FHIT: variants seen among roughly 807,000 people sequenced by gnomAD.
FHIT encodes bis(5'-adenosyl)-triphosphatase.
In FHIT, 19 loss-of-function variants were observed where a neutral mutation model predicts 17.9. That is an observed-to-expected ratio of 1.06 (90% CI 0.74 to 1.56). The LOEUF (loss-of-function observed/expected upper bound fraction) is 1.56, where lower values mean the gene tolerates loss of function less well. Among genes scored for constraint, FHIT ranks in the 40% most tolerant of loss-of-function variants. FHIT has a pLI of 0.00. For missense variants in FHIT, 248 were observed against 189.2 expected, an observed-to-expected ratio of 1.31 and a Z score of -1.82; for synonymous variants, 81 against 69.7, an observed-to-expected ratio of 1.16 and a Z score of -0.81.
chr3:60,235,065 A>G lies in FHIT; in HGVS notation c.104-220913T>C, dbSNP rs943036339. Among the ~76,000 whole-genome samples, 3 of 152,074 alleles carry G rather than the reference A, an allele frequency of 2.0e-5. No homozygotes were observed. The South Asian group carries it at 6.2e-4, about 32-fold the overall frequency. ...CTCAACGTTACATGGAATAAGAGAG[A>G]GATTCAAAAATCACATCCAAACTCA... On this transcript the variant is annotated intron_variant, in intron 5 of 9. Coordinates refer to ENST00000492590, the MANE Select transcript of FHIT (RefSeq NM_002012.4).
At chr3:59,799,243 T>G (rs1173456796) in intron 8 of FHIT, among the ~76,000 whole-genome samples, 1 of 152,164 alleles carries the variant, frequency 6.6e-6, no homozygotes, top group Non-Finnish European at 1.5e-5. Flanking sequence ...TGGGCAGGTC[T>G]TGGGAAGTGG....
chr3:61,073,486 G>A (rs1262384771), intron 2 of FHIT, among the ~76,000 whole-genome samples: 1 of 152,110 alleles, frequency 6.6e-6, no homozygotes, highest in Non-Finnish European at 1.5e-5. Context: ...CCTGAGCTAT[G>A]CTTAGATATT....
intron 3 of FHIT, among the ~76,000 whole-genome samples, chr3:61,029,591 T>C (rs1484951821): frequency 6.6e-6 from 1 of 152,210 alleles, no homozygotes; most frequent in East Asian, 1.9e-4. Context: ...ATTAGGCAGC[T>C]ACAAACTGTC....
intron 8 of FHIT, among the ~76,000 whole-genome samples, chr3:59,843,359 C>T (rs1300889989): frequency 6.6e-6 from 1 of 152,070 alleles, no homozygotes; most frequent in South Asian, 2.1e-4. Context: ...AGTATGAGTC[C>T]TCCAGGTTTG....
chr3:60,552,326 T>A (rs920693475), intron 4 of FHIT, among the ~76,000 whole-genome samples: 1 of 152,230 alleles, frequency 6.6e-6, no homozygotes, highest in Non-Finnish European at 1.5e-5. Context: ...TGTTTTCAAT[T>A]ATTGAACGTA....
intron 5 of FHIT, among the ~76,000 whole-genome samples, chr3:60,267,792 A>T (rs570887631): frequency 6.6e-6 from 1 of 152,166 alleles, no homozygotes; most frequent in Non-Finnish European, 1.5e-5. Context: ...TTTTTTCTAG[A>T]TTGCTGATCA....
intron 4 of FHIT, among the ~76,000 whole-genome samples, chr3:60,784,595 C>A (rs962226234): frequency 7.9e-5 from 12 of 152,182 alleles, no homozygotes; most frequent in Non-Finnish European, 1.3e-4. Context: ...TTCGGCCTCC[C>A]AAAATTCTGG....
At chr3:59,959,089 G>GA (rs1176458134) in intron 7 of FHIT, among the ~76,000 whole-genome samples, 1 of 152,142 alleles carries the variant, frequency 6.6e-6, no homozygotes, top group Non-Finnish European at 1.5e-5. Context: ...ATAGACAGAT[G>GA]AGGTACCAGG....
At chr3:60,930,791 G>T (rs1553771532) in intron 3 of FHIT, among the ~76,000 whole-genome samples, 1 of 152,170 alleles carries the variant, frequency 6.6e-6, no homozygotes, top group Non-Finnish European at 1.5e-5. Flanking sequence ...TTCAACCATT[G>T]TGGAAGTCAG....
intron 4 of FHIT, among the ~76,000 whole-genome samples, chr3:60,627,693 T>C (rs1446092325): frequency 5.9e-5 from 9 of 152,052 alleles, no homozygotes; most frequent in Admixed American, 1.3e-4. Context: ...CCGGCTAATT[T>C]TCGTATTTTT....
chr3:60,643,399 C>T (rs1186935996), intron 4 of FHIT, among the ~76,000 whole-genome samples: 1 of 152,072 alleles, frequency 6.6e-6, no homozygotes, highest in African/African-American at 2.4e-5. Context: ...CTAGAAAAAA[C>T]AATCCTAAAA....
At chr3:60,594,897 G>A (rs1362458888) in intron 4 of FHIT, among the ~76,000 whole-genome samples, 1 of 151,990 alleles carries the variant, frequency 6.6e-6, no homozygotes, top group Admixed American at 6.6e-5. Context: ...TTCTGTAGAT[G>A]AACTGTTTCT....
At chr3:60,941,726 C>T (rs552035809) in intron 3 of FHIT, among the ~76,000 whole-genome samples, 2 of 152,164 alleles carry the variant, frequency 1.3e-5, no homozygotes, top group East Asian at 3.9e-4. Flanking sequence ...CCGAATCACA[C>T]ACCTTTCTAC....
At chr3:60,782,501 G>A (rs1268600381) in intron 4 of FHIT, among the ~76,000 whole-genome samples, 1 of 152,060 alleles carries the variant, frequency 6.6e-6, no homozygotes, top group Non-Finnish European at 1.5e-5. Context: ...AGAGAAGCCA[G>A]TTACAATGCT....
At chr3:60,692,512 A>G (rs1257131300) in intron 4 of FHIT, among the ~76,000 whole-genome samples, 2 of 152,176 alleles carry the variant, frequency 1.3e-5, no homozygotes, top group African/African-American at 4.8e-5. Flanking sequence ...AATAGGAAAA[A>G]GAGTTGACTG....
At chr3:60,602,772 G>A (rs978646441) in intron 4 of FHIT, among the ~76,000 whole-genome samples, 2 of 152,118 alleles carry the variant, frequency 1.3e-5, no homozygotes, top group Non-Finnish European at 2.9e-5. Context: ...GTATTAGGCA[G>A]TGGAAGTCAT....
chr3:61,242,316 C>A (rs371419177), intron 1 of FHIT, among the ~76,000 whole-genome samples: 1 of 152,050 alleles, frequency 6.6e-6, no homozygotes, highest in East Asian at 1.9e-4. Flanking sequence ...CTCTGCCCTC[C>A]TCCATCTAGC....
chr3:61,021,598 C>CAAAAAAA (rs34870709), intron 3 of FHIT, among the ~76,000 whole-genome samples: 8 of 63,862 alleles, frequency 1.3e-4, no homozygotes, highest in East Asian at 9.5e-4. Context: ...GACTCCGTCT[C>CAAAAAAA]AAAAAAAAAA....
chr3:61,045,008 G>C (rs182483389), intron 2 of FHIT, among the ~76,000 whole-genome samples: 340 of 152,240 alleles, frequency 2.2e-3, no homozygotes, highest in African/African-American at 7.5e-3. Context: ...GGAACAACCA[G>C]TACCAGCCAC....
Sources: allele counts gnomAD v4.1 joint callset (sites outside exome capture counted in the v4.1 genomes callset), GRCh38; gene constraint gnomAD v4.1.1; transcripts MANE v1.5; gene names NCBI Gene and HGNC (gene_info 2026-07-23, HGNC 2026-07-21).